The following RORB variants were observed in gnomAD, a reference collection of about 807,000 sequenced individuals.
The protein encoded by RORB is nuclear receptor ROR-beta.
Under a neutral mutation model 59.1 loss-of-function variants are expected in RORB, and 6 were observed. The observed-to-expected ratio is 0.10, with a 90% CI of 0.06 to 0.20. The LOEUF is 0.20. Among genes scored for constraint, RORB ranks in the 10% least tolerant of loss-of-function variants. The pLI is 1.00. For missense variants in RORB, 320 were observed against 560.5 expected, an observed-to-expected ratio of 0.57 and a Z score of 4.33; for synonymous variants, 215 against 204.5, an observed-to-expected ratio of 1.05 and a Z score of -0.44.
intron 1 of RORB, among the ~76,000 whole-genome samples, chr9:74,619,472 G>A (rs1823372253): frequency 6.6e-6 from 1 of 152,164 alleles, no homozygotes; most frequent in Non-Finnish European, 1.5e-5. Flanking sequence ...TATTTTTTGA[G>A]TTGGAGTCTT....
intron 3 of RORB, among the ~76,000 whole-genome samples, chr9:74,636,519 G>A (rs538139025): frequency 5.3e-5 from 8 of 152,198 alleles, no homozygotes; most frequent in South Asian, 2.1e-4. Flanking sequence ...GAAATGTGTC[G>A]GGAGGATGGG....
At chr9:74,676,902 G>A (rs1238217301) in intron 9 of RORB, among the ~76,000 whole-genome samples, 1 of 152,218 alleles carries the variant, frequency 6.6e-6, no homozygotes, top group African/African-American at 2.4e-5. Flanking sequence ...TCTAAGGGTA[G>A]CCATGGAAAG....
intron 4 of RORB, among the ~76,000 whole-genome samples, chr9:74,645,518 T>C (rs1823881371): frequency 1.3e-5 from 2 of 152,154 alleles, no homozygotes; most frequent in South Asian, 2.1e-4. Flanking sequence ...TCTTTATCTG[T>C]GTGTGTGGAT....
At chr9:74,666,932 A>T (rs750302234) in intron 7 of RORB, among the ~76,000 whole-genome samples, 1 of 152,218 alleles carries the variant, frequency 6.6e-6, no homozygotes. Context: ...TATCCTGCCC[A>T]TGGACACCAA....
chr9:74,597,634 AT>A (rs1431764285), intron 1 of RORB, among the ~76,000 whole-genome samples: 1 of 57,740 alleles, frequency 1.7e-5, no homozygotes, highest in African/African-American at 4.5e-5. Context: ...GAAATATAGT[AT>A]AAAAAAAAGA....
intron 1 of RORB, among the ~76,000 whole-genome samples, chr9:74,553,677 C>T (rs1826645356): frequency 6.6e-6 from 1 of 152,136 alleles, no homozygotes; most frequent in Admixed American, 6.5e-5. Context: ...TTTGTACAAC[C>T]ACTAATTGAT....
At chr9:74,530,789 A>G (rs1826225618) in intron 1 of RORB, among the ~76,000 whole-genome samples, 1 of 151,960 alleles carries the variant, frequency 6.6e-6, no homozygotes, top group Non-Finnish European at 1.5e-5. Flanking sequence ...TTTGTTACAT[A>G]TGTACACATG....
chr9:74,673,506 C>G (rs1228941909), intron 9 of RORB, among the ~76,000 whole-genome samples: 1 of 152,120 alleles, frequency 6.6e-6, no homozygotes, highest in Non-Finnish European at 1.5e-5. Flanking sequence ...AAATGAGATT[C>G]TAACACGTTG....
At chr9:74,571,862 C>T (rs1484894697) in intron 1 of RORB, among the ~76,000 whole-genome samples, 1 of 152,114 alleles carries the variant, frequency 6.6e-6, no homozygotes, top group Non-Finnish European at 1.5e-5. Context: ...GCTTTCTGAG[C>T]CATCTTCCTC....
intron 6 of RORB, among the ~76,000 whole-genome samples, chr9:74,663,792 A>G (rs1453640241): frequency 6.6e-6 from 1 of 152,098 alleles, no homozygotes; most frequent in Admixed American, 6.5e-5. Context: ...TCTCCATGTG[A>G]GACCCTCCAA....
intron 1 of RORB, among the ~76,000 whole-genome samples, chr9:74,520,171 CCAGA>C (rs1469072174): frequency 1.3e-5 from 2 of 151,958 alleles, no homozygotes; most frequent in East Asian, 1.9e-4. Context: ...AGCGGCTTAA[CCAGA>C]CAATCAGTGG....
intron 3 of RORB, among the ~76,000 whole-genome samples, chr9:74,638,245 A>G (rs1275662529): frequency 6.6e-6 from 1 of 152,214 alleles, no homozygotes. Context: ...TCCATGTGCT[A>G]TGTTAATAGA....
intron 9 of RORB, among the ~76,000 whole-genome samples, 161 bp downstream of exon 9, chr9:74,672,062 A>G (rs1824355638): frequency 6.6e-6 from 1 of 152,172 alleles, no homozygotes; most frequent in African/African-American, 2.4e-5. Flanking sequence ...GAGGCTAGTG[A>G]ATTGTAATAG....
At chr9:74,660,530 A>G in intron 4 of RORB, 87 bp from the exon 5 acceptor site, 6 of 1,264,332 alleles carry the variant, frequency 4.7e-6, no homozygotes, top group South Asian at 1.6e-5. Flanking sequence ...AGTATCTCCA[A>G]AAGGCATTCT....
At chr9:74,656,966 A>G (rs1336345843) in intron 4 of RORB, among the ~76,000 whole-genome samples, 4 of 152,174 alleles carry the variant, frequency 2.6e-5, no homozygotes, top group Non-Finnish European at 4.4e-5. Flanking sequence ...TGTTGCAAAT[A>G]TACAAGACTT....
chr9:74,660,795 C>A, intron 5 of RORB, 57 bp downstream of exon 5: 2 of 1,553,978 alleles, frequency 1.3e-6, no homozygotes, highest in South Asian at 2.5e-5. Flanking sequence ...CTGTGTTGCT[C>A]AAGCTCAGCA....
chr9:74,592,167 A>C (rs1360425864), intron 1 of RORB, among the ~76,000 whole-genome samples: 1 of 152,186 alleles, frequency 6.6e-6, no homozygotes, highest in East Asian at 1.9e-4. Context: ...TCACATCCCT[A>C]GAAAATAAAC....
chr9:74,641,617 C>T (rs1300277703), intron 3 of RORB, among the ~76,000 whole-genome samples: 1 of 152,094 alleles, frequency 6.6e-6, no homozygotes, highest in Non-Finnish European at 1.5e-5. Context: ...GAAAATCGGC[C>T]TGGCCGGGTG....
chr9:74,543,055 T>A (rs1826433242), intron 1 of RORB, among the ~76,000 whole-genome samples: 1 of 152,224 alleles, frequency 6.6e-6, no homozygotes, highest in African/African-American at 2.4e-5. Flanking sequence ...TAGCACATGT[T>A]CATTACATTT....
Sources: gnomAD v4.1 joint callset for allele counts (sites outside exome capture counted in the v4.1 genomes callset) on GRCh38, gnomAD v4.1.1 for gene constraint, MANE v1.5 for transcripts, NCBI Gene and HGNC (gene_info 2026-07-23, HGNC 2026-07-21) for gene names.